Variants in LCK observed in about 807,000 individuals in gnomAD.
The protein encoded by LCK is LCK proto-oncogene, Src family tyrosine kinase, also known as tyrosine-protein kinase Lck.
In LCK, 14 loss-of-function variants were observed where a neutral mutation model predicts 64.6. The observed-to-expected ratio is 0.22, with a 90% CI of 0.14 to 0.34. LCK has a LOEUF of 0.34. Ranked by LOEUF, LCK falls within the 10% of genes least tolerant of loss-of-function variation. LCK has a pLI of 1.00. For missense variants in LCK, 434 were observed against 668.1 expected (o/e 0.65, Z 3.86); for synonymous variants, 277 against 263.6 (o/e 1.05, Z -0.49).
intron 1 of LCK, among the ~76,000 whole-genome samples, chr1:32,255,501 T>G (rs989921160): frequency 1.3e-4 from 20 of 152,238 alleles, no homozygotes; most frequent in Admixed American, 4.6e-4. Context: ...CCTCATCCTT[T>G]TAACTGTTTC....
chr1:32,253,970 A>G (rs1007673909), intron 1 of LCK, among the ~76,000 whole-genome samples: 2 of 152,142 alleles, frequency 1.3e-5, no homozygotes, highest in Non-Finnish European at 2.9e-5. Context: ...ACTACATCCT[A>G]TAACTCCATG....
intron 1 of LCK, among the ~76,000 whole-genome samples, chr1:32,258,798 C>A (rs1222371471): frequency 1.5e-5 from 2 of 129,996 alleles, no homozygotes; most frequent in South Asian, 2.7e-4. Context: ...TGCGAGACTC[C>A]GTCTCAAAAA....
intron 1 of LCK, among the ~76,000 whole-genome samples, chr1:32,270,446 G>C (rs532597101): frequency 2.2e-4 from 33 of 151,536 alleles, no homozygotes; most frequent in African/African-American, 8.0e-4. Context: ...CCAGGCTGGA[G>C]TGCAGTGGCT....
intron 1 of LCK, among the ~76,000 whole-genome samples, chr1:32,255,837 C>T (rs1639619144): frequency 7.3e-6 from 1 of 137,094 alleles, no homozygotes. Flanking sequence ...GTGTCTCAGT[C>T]TGTTGCCCCG....
chr1:32,274,628 A>G (rs556693044), intron 2 of LCK, 109 bp from the exon 3 acceptor site: 118 of 1,014,604 alleles, frequency 1.2e-4, no homozygotes, highest in Non-Finnish European at 1.5e-4. Flanking sequence ...AAACTCAGGG[A>G]TAACATCTAA....
At chr1:32,270,575 AGTAGACACGGGGTTTCACCATGTTG>A (rs1034225480) in intron 1 of LCK, among the ~76,000 whole-genome samples, 1 of 144,202 alleles carries the variant, frequency 6.9e-6, no homozygotes, top group Non-Finnish European at 1.5e-5. Flanking sequence ...TTGTATTTTT[AGTAGACACGGGGTTTCACCATGTTG>A]GTCAGGCTGG....
chr1:32,276,727 G>C lies in LCK; in HGVS notation c.905G>C (p.Arg302Pro). 1.2e-6 allele frequency: 2 copies of C among 1,613,928 alleles called. No homozygotes were observed. The highest frequency in any genetic ancestry group is 1.7e-6 in the Non-Finnish European group (2 of 1,179,954). Residue 302 changes from arginine (R) to proline (P), a missense_variant, in exon 9 of 13, where the codon CGG becomes CCG. This residue lies in a region of LCK where 201 missense variants were observed against 376.9 expected (regional missense o/e 0.53). Coordinates refer to ENST00000336890, the MANE Select transcript of LCK (RefSeq NM_005356.5). The surrounding 1 kb of genome is among the most constrained non-coding windows in gnomAD (Gnocchi z 4.6). ...CAGCTGCAACACCAGCGGCTGGTTC[G>C]GCTCTACGCTGTGGTCACCCAGGAG... is the stretch of plus-strand genomic sequence containing the variant. Reference protein sequence around the residue: ...MKQLQHQRLVRLYAVVTQEPI... With the variant: ...MKQLQHQRLVPLYAVVTQEPI...
chr1:32,264,595 A>G (rs1639864128), intron 1 of LCK, among the ~76,000 whole-genome samples: 1 of 152,072 alleles, frequency 6.6e-6, no homozygotes. Flanking sequence ...CAGTTTTAAA[A>G]TGAGGCTGAT....
intron 9 of LCK, among the ~76,000 whole-genome samples, chr1:32,278,559 G>A (rs531117106): frequency 9.9e-5 from 15 of 152,170 alleles, no homozygotes; most frequent in African/African-American, 3.1e-4. Context: ...GGCTGGTCTC[G>A]ATCTCCTGTC....
At chr1:32,285,090 G>A (rs1409298324) in intron 12 of LCK, among the ~76,000 whole-genome samples, 1 of 152,034 alleles carries the variant, frequency 6.6e-6, no homozygotes, top group Non-Finnish European at 1.5e-5. Flanking sequence ...ATCACCTGAG[G>A]TCAGGAGTTC....
At chr1:32,274,231 T>C in intron 1 of LCK, 94 bp from the exon 2 acceptor site, 1 of 1,598,666 alleles carries the variant, frequency 6.3e-7, no homozygotes, top group East Asian at 2.2e-5. Flanking sequence ...TCTCAGGTAC[T>C]TTTGGAACTT....
At chr1:32,273,192 A>G (rs1640158404) in intron 1 of LCK, among the ~76,000 whole-genome samples, 1 of 95,266 alleles carries the variant, frequency 1.0e-5, no homozygotes, top group Non-Finnish European at 2.1e-5. Context: ...GGGTGAGTGT[A>G]TGTGTTTACT....
intron 1 of LCK, among the ~76,000 whole-genome samples, chr1:32,260,839 C>A (rs1168652672): frequency 2.6e-5 from 4 of 152,070 alleles, no homozygotes; most frequent in Admixed American, 6.6e-5. Context: ...CCAGGTTGGT[C>A]TTGAACTCCT....
chr1:32,260,416 G>T (rs147026702), intron 1 of LCK, among the ~76,000 whole-genome samples: 1 of 152,158 alleles, frequency 6.6e-6, no homozygotes, highest in Non-Finnish European at 1.5e-5. Flanking sequence ...GATTACAGGC[G>T]TGAGCCTCCA....
At chr1:32,267,314 T>C (rs1639950523) in intron 1 of LCK, among the ~76,000 whole-genome samples, 1 of 151,950 alleles carries the variant, frequency 6.6e-6, no homozygotes, top group Admixed American at 6.6e-5. Flanking sequence ...TTGATTTGAT[T>C]TAAAATTCCA....
chr1:32,261,489 T>C (rs965030621), intron 1 of LCK, among the ~76,000 whole-genome samples: 6 of 149,762 alleles, frequency 4.0e-5, no homozygotes, highest in African/African-American at 1.5e-4. Flanking sequence ...CTACTAAAAA[T>C]ACAAAAATTA....
intron 1 of LCK, among the ~76,000 whole-genome samples, chr1:32,257,424 AT>A (rs199671219): frequency 6.6e-6 from 1 of 151,070 alleles, no homozygotes; most frequent in Non-Finnish European, 1.5e-5. Flanking sequence ...TAATTTTTGT[AT>A]TTTTTTTGTA....
intron 1 of LCK, among the ~76,000 whole-genome samples, chr1:32,255,394 A>G (rs1209359676): frequency 3.3e-5 from 5 of 152,234 alleles, no homozygotes; most frequent in African/African-American, 4.8e-5. Context: ...ACATATGTCA[A>G]TGCAAATAGG....
At chr1:32,253,647 A>T (rs1639560917) in intron 1 of LCK, among the ~76,000 whole-genome samples, 2 of 152,118 alleles carry the variant, frequency 1.3e-5, no homozygotes, top group African/African-American at 2.4e-5. Context: ...CACCAAAGGG[A>T]GGGCTGTCCA....
Sources: gnomAD v4.1 joint callset for allele counts (sites outside exome capture counted in the v4.1 genomes callset) on GRCh38, gnomAD v4.1.1 for gene constraint, gnomAD v4.1.1 regional missense constraint, Gnocchi (gnomAD v3.1) non-coding constraint, MANE v1.5 for transcripts, NCBI Gene and HGNC (gene_info 2026-07-23, HGNC 2026-07-21) for gene names.